EDA: variants seen among roughly 807,000 people sequenced by gnomAD.
The protein encoded by EDA is ectodysplasin A, also known as ectodysplasin-A.
Under a neutral mutation model 23.6 loss-of-function variants are expected in EDA, and 2 were observed. The observed-to-expected ratio is 0.08, with a 90% CI of 0.03 to 0.27. The LOEUF (loss-of-function observed/expected upper bound fraction) is 0.27. Ranked by LOEUF, EDA falls within the 10% of genes least tolerant of loss-of-function variation. EDA has a pLI of 1.00. For missense variants in EDA, 229 were observed against 324.2 expected (o/e 0.71, Z 2.26); for synonymous variants, 131 against 132.0 (o/e 0.99, Z 0.05).
At chrX:69,688,803 G>T (rs1253224440) in intron 1 of EDA, among the ~76,000 whole-genome samples, 1 of 112,139 alleles carries the variant, frequency 8.9e-6, no homozygotes, top group African/African-American at 3.2e-5. Context: ...AACTGCAGAA[G>T]TAGCAAGGTC....
chrX:69,762,116 C>A (rs778176245), intron 1 of EDA, among the ~76,000 whole-genome samples: 2 of 111,370 alleles, frequency 1.8e-5, no homozygotes, highest in African/African-American at 3.3e-5. Flanking sequence ...TAATATGTAA[C>A]CTTGGCCAAT....
At chrX:70,027,188 C>G (rs1003549196) in intron 3 of EDA, among the ~76,000 whole-genome samples, 43 of 111,986 alleles carry the variant, frequency 3.8e-4, no homozygotes, top group African/African-American at 1.4e-3. Flanking sequence ...TGAAATGTAA[C>G]CTCCTTTTTG....
At chrX:69,679,160 C>T (rs1406698508) in intron 1 of EDA, among the ~76,000 whole-genome samples, 1 of 109,290 alleles carries the variant, frequency 9.1e-6, no homozygotes, top group African/African-American at 3.3e-5. Flanking sequence ...CCTTGCATCC[C>T]AGGGATGAAG....
intron 1 of EDA, among the ~76,000 whole-genome samples, chrX:69,762,853 T>C (rs1230359564): frequency 8.9e-6 from 1 of 111,988 alleles, no homozygotes; most frequent in African/African-American, 3.2e-5. Context: ...GGAAAGATTG[T>C]ATCCTTCATT....
At chrX:69,888,978 T>TAGATAGATAGATATATATATATATATA (rs1556026049) in intron 1 of EDA, among the ~76,000 whole-genome samples, 1 of 16,030 alleles carries the variant, frequency 6.2e-5, no homozygotes, top group Non-Finnish European at 1.0e-4. Flanking sequence ...TGTGGGGTAG[T>TAGATAGATAGATATATATATATATATA]TATATATATA....
At position 70,001,775 on chromosome X, in the gene EDA, CT is replaced by C. The variant is rs762718567; in HGVS notation, c.503-21441del. Among the ~76,000 whole-genome samples the C allele has an allele frequency of 4.5e-5, 5 of 112,159 alleles. No homozygotes were observed. The South Asian group carries it at 1.5e-3, about 33-fold the overall frequency. On this transcript the variant is annotated intron_variant, in intron 2 of 7. Coordinates refer to ENST00000374552, the MANE Select transcript of EDA (RefSeq NM_001399.5). ...TTCATACTTTCCAAAGCTGTTTTTG[CT>C]TCTATTATCTCATTAATCCCAAGAG...
intron 1 of EDA, among the ~76,000 whole-genome samples, chrX:69,904,712 TTTACTCTATCACC>T (rs2018153011): frequency 8.9e-6 from 1 of 112,018 alleles, no homozygotes; most frequent in Non-Finnish European, 1.9e-5. Context: ...ACCAGATCAT[TTTACTCTATCACC>T]ATGAGTTCAA....
intron 1 of EDA, among the ~76,000 whole-genome samples, chrX:69,759,010 G>A (rs755611893): frequency 1.8e-5 from 2 of 112,369 alleles, no homozygotes; most frequent in East Asian, 5.6e-4. Context: ...ATCCTCTAAT[G>A]CATTTTGATC....
At chrX:69,787,810 C>T (rs1013525568) in intron 1 of EDA, among the ~76,000 whole-genome samples, 5 of 110,236 alleles carry the variant, frequency 4.5e-5, no homozygotes, top group African/African-American at 1.6e-4. Flanking sequence ...GTGGCATTCT[C>T]TGTATTTCCT....
chrX:69,736,422 C>T (rs1407502254), intron 1 of EDA, among the ~76,000 whole-genome samples: 2 of 109,843 alleles, frequency 1.8e-5, no homozygotes, highest in Admixed American at 9.6e-5. Context: ...CTCCACCTCC[C>T]GGGTTCAAGC....
intron 1 of EDA, among the ~76,000 whole-genome samples, chrX:69,852,530 CTGAGTA>C (rs1461027065): frequency 9.0e-6 from 1 of 111,695 alleles, no homozygotes; most frequent in African/African-American, 3.3e-5. Context: ...TGGCATTTGT[CTGAGTA>C]TATCTGCTGA....
At position 69,751,229 on chromosome X, in the gene EDA, G is replaced by C. The variant is rs373374545; in HGVS notation, c.396+134525G>C. 8.1e-4 allele frequency among the ~76,000 whole-genome samples: 88 copies of C among 108,901 alleles called. 1 individual carries two copies. The East Asian group carries it at 0.012, about 14-fold the overall frequency. 94.6% of individuals were successfully genotyped at this position (108,901 alleles called of 115,157 possible). A position where few individuals can be genotyped will look rare whatever the true frequency, so the allele number is the denominator to read the frequency against. ...AGGTGTAAGGAAGGATCCAGTTTCA[G>C]CTTTCTACATATGGCTAGCCAGTTT... On this transcript the variant is annotated intron_variant, in intron 1 of 7. Transcript: ENST00000374552.
chrX:69,692,284 T>C (rs1288082373), intron 1 of EDA, among the ~76,000 whole-genome samples: 1 of 111,620 alleles, frequency 9.0e-6, no homozygotes, highest in African/African-American at 3.3e-5. Context: ...TAGGTTATGA[T>C]AGAAACTCTC....
Position 70,022,450 on chromosome X carries a change from G to T in EDA, c.503-768G>T, listed in dbSNP as rs763721224. Among the ~76,000 whole-genome samples the T allele has an allele frequency of 2.7e-5, 3 of 109,315 alleles. No homozygotes were observed. The South Asian group carries it at 1.2e-3, about 43-fold the overall frequency. The allele number at this position is 109,315 out of a possible 115,157, so 94.9% of individuals were successfully genotyped here. On this transcript the variant is annotated intron_variant, in intron 2 of 7. Coordinates refer to ENST00000374552, the MANE Select transcript of EDA (RefSeq NM_001399.5). ...CTCCCAGGTTCACGCCATTCTCCTGGCTCAGCCTTCCAAGTAGCTGGGACT... is the reference window on the plus strand; with the variant it reads ...CTCCCAGGTTCACGCCATTCTCCTGTCTCAGCCTTCCAAGTAGCTGGGACT...
intron 1 of EDA, among the ~76,000 whole-genome samples, chrX:69,830,093 C>T (rs923412684): frequency 9.0e-6 from 1 of 111,169 alleles, no homozygotes; most frequent in Non-Finnish European, 1.9e-5. Flanking sequence ...TATATTCTTT[C>T]TTCTTTCTTC....
At chrX:69,842,704 CA>C (rs1433480502) in intron 1 of EDA, among the ~76,000 whole-genome samples, 14 of 111,878 alleles carry the variant, frequency 1.3e-4, no homozygotes, top group African/African-American at 4.6e-4. Context: ...CGCCTGGTGG[CA>C]GGTGATTTGT....
chrX:69,803,302 G>GT (rs914370962), intron 1 of EDA, among the ~76,000 whole-genome samples: 10 of 107,056 alleles, frequency 9.3e-5, no homozygotes, highest in African/African-American at 3.0e-4. Context: ...AGTTTTTTTG[G>GT]TTTTTTTTTA....
At chrX:70,012,009 A>G (rs924406231) in intron 2 of EDA, among the ~76,000 whole-genome samples, 1 of 111,380 alleles carries the variant, frequency 9.0e-6, no homozygotes, top group Non-Finnish European at 1.9e-5. Context: ...CCCTGATTCC[A>G]TCACAAGATC....
intron 1 of EDA, among the ~76,000 whole-genome samples, chrX:69,637,222 A>G (rs1264901870): frequency 3.6e-5 from 4 of 111,790 alleles, no homozygotes; most frequent in Admixed American, 9.5e-5. Flanking sequence ...ATATTAGGAA[A>G]TGACTCCGGT....
Sources: allele counts gnomAD v4.1 joint callset (sites outside exome capture counted in the v4.1 genomes callset), GRCh38; gene constraint gnomAD v4.1.1; transcripts MANE v1.5; gene names NCBI Gene and HGNC (gene_info 2026-07-23, HGNC 2026-07-21).